The following UBN2 variants were observed in gnomAD, a reference collection of about 807,000 sequenced individuals.
UBN2 encodes ubinuclein-2.
A neutral mutation model predicts 120.2 loss-of-function variants in UBN2; 35 were observed. The ratio of observed to expected loss-of-function variants is 0.29; its 90% CI spans 0.22 to 0.39. The LOEUF (loss-of-function observed/expected upper bound fraction) is 0.39, where lower values mean the gene tolerates loss of function less well. Among genes scored for constraint, UBN2 ranks in the 10% least tolerant of loss-of-function variants. UBN2 has a pLI of 1.00. For synonymous variants in UBN2, 661 were observed against 648.7 expected (o/e 1.02, Z -0.29); for missense variants, 1,693 against 1,663.2 (o/e 1.02, Z -0.31).
At chr7:139,321,863 G>C in the UBN2 span, among the ~76,000 whole-genome samples, 1 of 152,312 alleles carries the variant, frequency 6.6e-6, no homozygotes, top group Admixed American at 6.5e-5. Context: ...ATGAGAAAGA[G>C]AAATGACACT....
At chr7:139,329,898 T>G in the UBN2 span, among the ~76,000 whole-genome samples, 1 of 152,088 alleles carries the variant, frequency 6.6e-6, no homozygotes, top group African/African-American at 2.4e-5. Flanking sequence ...CCAACTCCTG[T>G]TCAATTAATT....
In UBN2 at chr7:139,261,674, A is replaced by G. The variant is rs747908522; in HGVS notation, c.1328A>G (p.Lys443Arg). ...QPTYTSQVMP[K>R]VVPTLPEGLP... is the part of the protein sequence containing the mutation. The stretch of plus-strand genomic sequence containing the variant: ...ACCTACACTTCTCAGGTTATGCCCA[A>G]AGTGGTACCTACACTCCCAGAGGGT... Residue 443 changes from lysine (K) to arginine (R), a missense_variant, in exon 6 of 18, where the codon AAA becomes AGA. Lys to Arg is a conservative substitution (Grantham distance 26). Transcript: ENST00000473989. The G allele has an allele frequency of 6.2e-7, 1 of 1,614,158 alleles. No homozygotes were observed. The highest frequency in any genetic ancestry group is 1.1e-5 in the South Asian group (1 of 91,080).
At chr7:139,324,392 C>A in the UBN2 span, among the ~76,000 whole-genome samples, 3 of 150,790 alleles carry the variant, frequency 2.0e-5, no homozygotes, top group Non-Finnish European at 3.0e-5. Context: ...CCCGTCTCTA[C>A]TAAAAATACA....
intron 2 of UBN2, among the ~76,000 whole-genome samples, chr7:139,239,023 T>TA (rs1346822508): frequency 3.9e-5 from 6 of 152,230 alleles, no homozygotes; most frequent in African/African-American, 1.4e-4. Flanking sequence ...TTTAACCAAC[T>TA]AGTACACTTA....
chr7:139,247,532 T>G (rs1395797630), intron 2 of UBN2, among the ~76,000 whole-genome samples: 1 of 152,232 alleles, frequency 6.6e-6, no homozygotes, highest in African/African-American at 2.4e-5. Flanking sequence ...GGCTCACCTA[T>G]TTTCTGTGTG....
At chr7:139,240,429 A>AAT (rs201805771) in intron 2 of UBN2, among the ~76,000 whole-genome samples, 2,042 of 133,160 alleles carry the variant, frequency 0.015, 48 homozygotes, top group African/African-American at 0.04. Flanking sequence ...ACCCAGCCTA[A>AAT]ATATATATAT....
Position 139,298,093 on chromosome 7 carries a change from T to G in UBN2, c.*257T>G. ...TGACAGAGTTACCGTATTAACAGAC[T>G]TGAAAGAGACTCAGTTGTCAAACCC... On this transcript the variant is annotated 3_prime_UTR_variant, in exon 18 of 18. Transcript: ENST00000473989. 2.6e-6 allele frequency: 1 copy of G among 387,678 alleles called. No homozygotes were observed. The highest frequency in any genetic ancestry group is 6.1e-5 in the South Asian group (1 of 16,382). 24.0% of individuals were successfully genotyped at this position (387,678 alleles called of 1,614,324 possible). A position where few individuals can be genotyped will look rare whatever the true frequency, so the allele number is the denominator to read the frequency against.
chr7:139,266,243 A>C (rs1797095919), intron 6 of UBN2, 90 bp from the exon 7 acceptor site: 1 of 845,880 alleles, frequency 1.2e-6, no homozygotes, highest in African/African-American at 1.8e-5. Context: ...AAAAAAAAAA[A>C]AAGAAAAAAA....
rs1177176868 is a variant in UBN2, at chr7:139,304,940, A to G, written c.*7104A>G. The G allele has an allele frequency of 1.3e-5, 2 of 152,148 alleles. No homozygotes were observed. The highest frequency in any genetic ancestry group is 1.5e-5 in the Non-Finnish European group (1 of 68,022). 9.4% of individuals were successfully genotyped at this position (152,148 alleles called of 1,614,324 possible). A position where few individuals can be genotyped will look rare whatever the true frequency, so the allele number is the denominator to read the frequency against. ...AATGTGTGTTTGTTCTTCTAGGGAA[A>G]ATTAACAGAAGCATAAAATAGAGAT... On this transcript the variant is annotated 3_prime_UTR_variant, in exon 18 of 18. Transcript: ENST00000473989.
At chr7:139,326,353 C>G in the UBN2 span, among the ~76,000 whole-genome samples, 1 of 152,188 alleles carries the variant, frequency 6.6e-6, no homozygotes, top group South Asian at 2.1e-4. Flanking sequence ...GCAGAACCCT[C>G]CTATCATTTG....
chr7:139,235,299 C>T (rs1233918320), intron 1 of UBN2, among the ~76,000 whole-genome samples: 2 of 152,164 alleles, frequency 1.3e-5, no homozygotes, highest in African/African-American at 2.4e-5. Context: ...AGGCTACACC[C>T]TGGACATGCC....
chr7:139,274,060 C>T lies in UBN2; in HGVS notation c.1959C>T (p.Gly653=). 6.3e-7 allele frequency: 1 copy of T among 1,593,544 alleles called. No individual in the cohort carries two copies. The highest frequency in any genetic ancestry group is 8.5e-7 in the Non-Finnish European group (1 of 1,174,910). The change falls in exon 11 of 18, where the codon GGC becomes GGT. Residue 653 remains glycine, a synonymous_variant. Transcript: ENST00000473989. ...ETEVKPLWPK[G]WMQARMLFKE... ...AAGTGAAGCCCCTGTGGCCTAAGGG[C>T]TGGATGCAGGCAAGGTAAGAAATGT...
At chr7:139,321,273 G>T in the UBN2 span, among the ~76,000 whole-genome samples, 1 of 152,348 alleles carries the variant, frequency 6.6e-6, no homozygotes, top group East Asian at 1.9e-4. Flanking sequence ...TGAGAGGATT[G>T]CTTTGGAGCA....
rs947660376 is a variant in UBN2 at position 139,300,925 on chromosome 7, A to G, written c.*3089A>G. On this transcript the variant is annotated 3_prime_UTR_variant, in exon 18 of 18. Coordinates refer to ENST00000473989, the MANE Select transcript of UBN2 (RefSeq NM_173569.4). ...CAATAATTTCCATTATAATTCAATT[A>G]TAATTCTTGTATGCTTTTGAGGTCA... is the stretch of plus-strand genomic sequence containing the variant. 7.9e-5 allele frequency: 12 copies of G among 152,270 alleles called. No individual in the cohort carries two copies. The highest frequency in any genetic ancestry group is 2.9e-4 in the African/African-American group (12 of 41,476). The allele number at this position is 152,270 out of a possible 1,614,324, so 9.4% of individuals were successfully genotyped here.
At chr7:139,264,494 T>C (rs1211036972) in intron 6 of UBN2, among the ~76,000 whole-genome samples, 1 of 152,226 alleles carries the variant, frequency 6.6e-6, no homozygotes, top group Non-Finnish European at 1.5e-5. Context: ...CCAGATTCTT[T>C]TGTCTGCTCG....
rs1797344319 is a variant in UBN2 at position 139,273,322 on chromosome 7, A to G, written c.1741A>G (p.Lys581Glu). ...AKLQTDEERE[K>E]NGSEEDDDEK... The stretch of plus-strand genomic sequence containing the variant: ...ATTGCAGACAGATGAAGAACGAGAA[A>G]AAAATGGATCTGAAGAGGATGATGA... The change falls in exon 10 of 18, where the codon AAA becomes GAA. Residue 581 changes from lysine (K) to glutamate (E), a missense_variant. Lys to Glu is a moderately conservative substitution (Grantham distance 56). Around this residue, in one of 5 missense-constraint regions of UBN2, gnomAD observed 178 missense variants for 204.0 expected, o/e 0.87. Transcript: ENST00000473989. 1.9e-6 allele frequency: 3 copies of G among 1,606,542 alleles called. No homozygotes were observed. The highest frequency in any genetic ancestry group is 1.7e-6 in the Non-Finnish European group (2 of 1,176,716).
At chr7:139,329,510 G>A in the UBN2 span, among the ~76,000 whole-genome samples, 2 of 152,154 alleles carry the variant, frequency 1.3e-5, no homozygotes, top group African/African-American at 2.4e-5. Flanking sequence ...TGTATATTCA[G>A]TATTGAGCCC....
At chr7:139,272,112 T>C (rs1797294148) in intron 8 of UBN2, among the ~76,000 whole-genome samples, 1 of 152,168 alleles carries the variant, frequency 6.6e-6, no homozygotes. Context: ...ACTGGAACTC[T>C]TCTTGGCTAA....
intron 3 of UBN2, among the ~76,000 whole-genome samples, chr7:139,252,749 T>C (rs1222317787): frequency 1.3e-5 from 2 of 151,892 alleles, no homozygotes; most frequent in East Asian, 3.9e-4. Flanking sequence ...GACTCCATCC[T>C]CACCCCTTGC....
Sources: gnomAD v4.1 joint callset for allele counts (sites outside exome capture counted in the v4.1 genomes callset) on GRCh38, gnomAD v4.1.1 for gene constraint, gnomAD v4.1.1 regional missense constraint, MANE v1.5 for transcripts, NCBI Gene and HGNC (gene_info 2026-07-23, HGNC 2026-07-21) for gene names.